Variants in PRSS12 observed in about 807,000 individuals in gnomAD.
PRSS12 encodes the protein neurotrypsin.
Under a neutral mutation model 104.4 loss-of-function variants are expected in PRSS12, and 85 were observed. The observed-to-expected ratio is 0.81, with a 90% confidence interval of 0.68 to 0.98. PRSS12 has a LOEUF of 0.98. Ranked by LOEUF, PRSS12 falls within the 50% of genes least tolerant of loss-of-function variation. The pLI is 0.00. For synonymous variants in PRSS12, 454 were observed against 425.2 expected, an observed-to-expected ratio of 1.07 and a Z score of -0.83; for missense variants, 1,141 against 1,139.2, an observed-to-expected ratio of 1.00 and a Z score of -0.02.
intron 9 of PRSS12, 70 bp downstream of exon 9, chr4:118,298,663 G>T: frequency 1.4e-6 from 2 of 1,384,834 alleles, no homozygotes; most frequent in Non-Finnish European, 1.0e-6. Context: ...TGTTATCAAA[G>T]TACTGCTTAT....
intron 1 of PRSS12, among the ~76,000 whole-genome samples, chr4:118,346,395 A>C (rs1724354991): frequency 6.6e-6 from 1 of 151,620 alleles, no homozygotes; most frequent in African/African-American, 2.4e-5. Flanking sequence ...CACAGTCATA[A>C]TGTATTATAT....
At chr4:118,313,448 G>C (rs1291812875) in intron 6 of PRSS12, 51 bp from the exon 7 acceptor site, 1 of 1,578,664 alleles carries the variant, frequency 6.3e-7, no homozygotes, top group African/African-American at 1.3e-5. Context: ...TCTTGGTTCA[G>C]GGAACCACAA....
intron 8 of PRSS12, among the ~76,000 whole-genome samples, chr4:118,299,837 TA>T (rs1743363459): frequency 7.2e-6 from 1 of 138,408 alleles, no homozygotes; most frequent in Admixed American, 7.1e-5. Context: ...TAAAATAAAA[TA>T]AAATAAATTA....
chr4:118,309,697 G>C (rs565494390), intron 7 of PRSS12, among the ~76,000 whole-genome samples: 1 of 152,290 alleles, frequency 6.6e-6, no homozygotes, highest in Non-Finnish European at 1.5e-5. Flanking sequence ...AAGATTTGCT[G>C]TTAAGGATTT....
intron 4 of PRSS12, among the ~76,000 whole-genome samples, chr4:118,329,082 G>A (rs537211466): frequency 1.3e-4 from 20 of 152,160 alleles, no homozygotes; most frequent in Admixed American, 9.8e-4. Flanking sequence ...GTGAGCCACC[G>A]TGCCCAGCCT....
At chr4:118,300,408 AT>A (rs1317368166) in intron 8 of PRSS12, among the ~76,000 whole-genome samples, 3 of 152,222 alleles carry the variant, frequency 2.0e-5, no homozygotes, top group African/African-American at 7.2e-5. Context: ...TTAATAACAC[AT>A]TTTAAAGTAT....
chr4:118,321,707 G>C (rs754240828), intron 4 of PRSS12, among the ~76,000 whole-genome samples: 13 of 152,152 alleles, frequency 8.5e-5, no homozygotes, highest in Non-Finnish European at 1.8e-4. Context: ...TTGGTATTTA[G>C]TTTAAACAAA....
At chr4:118,324,339 A>G (rs1347339638) in intron 4 of PRSS12, among the ~76,000 whole-genome samples, 1 of 152,052 alleles carries the variant, frequency 6.6e-6, no homozygotes, top group Non-Finnish European at 1.5e-5. Flanking sequence ...TACCTATCAC[A>G]TTTTTGGAGA....
chr4:118,283,018 C>T lies in PRSS12; in HGVS notation c.2133G>A (p.Gln711=). 1 of 1,614,186 alleles carries T rather than the reference C, an allele frequency of 6.2e-7. No homozygotes were observed. The highest frequency in any genetic ancestry group is 8.5e-7 in the Non-Finnish European group (1 of 1,180,040). Residue 711 remains glutamine, a synonymous_variant, in exon 12 of 13, where the codon CAG becomes CAA. Transcript: ENST00000296498. ...GTCGATACTCCCGATGAATCACAAT[C>T]TGTTGAACTCCAATTTCTTCCTCAA... The part of the protein sequence containing the change: ...EEFEEEIGVQ[Q]IVIHREYRPD...
intron 3 of PRSS12, among the ~76,000 whole-genome samples, chr4:118,334,998 G>A (rs1724024793): frequency 6.6e-6 from 1 of 152,064 alleles, no homozygotes; most frequent in South Asian, 2.1e-4. Flanking sequence ...CCTCATTCAA[G>A]CCAACAATCC....
At chr4:118,342,459 C>T (rs1724239829) in intron 1 of PRSS12, among the ~76,000 whole-genome samples, 2 of 152,172 alleles carry the variant, frequency 1.3e-5, no homozygotes, top group Admixed American at 6.5e-5. Flanking sequence ...CAGCGTTGCA[C>T]TGTCTTAAAG....
intron 8 of PRSS12, among the ~76,000 whole-genome samples, chr4:118,307,872 T>A (rs1276771576): frequency 1.3e-5 from 2 of 151,260 alleles, no homozygotes; most frequent in Non-Finnish European, 2.9e-5. Context: ...AACAGTGAAG[T>A]CATCAGCAAA....
rs200173549 is a variant in PRSS12, at chr4:118,352,754, C to T, written c.-34G>A. 27 of 1,610,692 alleles carry T rather than the reference C, an allele frequency of 1.7e-5. No individual in the cohort carries two copies. The Admixed American group carries it at 2.5e-4, about 15-fold the overall frequency. On this transcript the variant is annotated 5_prime_UTR_variant, in exon 1 of 13. Coordinates refer to ENST00000296498, the MANE Select transcript of PRSS12 (RefSeq NM_003619.4). ...CGCTGCGGGGTCTGGTCCATGCTCC[C>T]CAGCTTCTCGGGCTTGGAGCGGAGA... is the stretch of plus-strand genomic sequence containing the variant.
intron 3 of PRSS12, 105 bp downstream of exon 3, chr4:118,335,364 GTAAT>G: frequency 7.9e-7 from 1 of 1,269,358 alleles, no homozygotes; most frequent in Non-Finnish European, 1.1e-6. Flanking sequence ...ACTTATTTCT[GTAAT>G]TAAAGTCTTT....
At chr4:118,290,275 G>A (rs1167006926) in intron 11 of PRSS12, among the ~76,000 whole-genome samples, 1 of 152,120 alleles carries the variant, frequency 6.6e-6, no homozygotes, top group Admixed American at 6.5e-5. Context: ...AAGTTAAAGT[G>A]TTTAACCTCA....
At chr4:118,298,981 C>A in intron 8 of PRSS12, 43 bp from the exon 9 acceptor site, 1 of 1,589,168 alleles carries the variant, frequency 6.3e-7, no homozygotes, top group South Asian at 1.1e-5. Flanking sequence ...ATCAGTCAGT[C>A]ATATATCTGA....
rs201606063 is a variant in PRSS12 at position 118,330,507 on chromosome 4, C to CA, written c.971+1208dup. 6.3e-3 allele frequency among the ~76,000 whole-genome samples: 942 copies of CA among 148,980 alleles called. 8 individuals carry two copies. The highest frequency in any genetic ancestry group is 0.021 in the African/African-American group (854 of 40,618). On this transcript the variant is annotated intron_variant, in intron 4 of 12. Transcript: ENST00000296498. ...GCATTATGGAAAAACCAAACCAAAC[C>CA]AAAAAAAAACAGCAACAACAAAAAA...
chr4:118,313,189 G>A lies in PRSS12; in HGVS notation c.1489+12C>T, dbSNP rs1743799007. The stretch of plus-strand genomic sequence containing the variant: ...GAATGATGGAAACTTGAGAGCTGCA[G>A]CCAGTCCTCACCCAGAGAGAGCCTG... On this transcript the variant is annotated intron_variant, in intron 7 of 12. Transcript: ENST00000296498. 1.2e-6 allele frequency: 2 copies of A among 1,612,162 alleles called. No homozygotes were observed. The highest frequency in any genetic ancestry group is 1.7e-6 in the Non-Finnish European group (2 of 1,179,714).
intron 1 of PRSS12, among the ~76,000 whole-genome samples, chr4:118,344,081 T>C (rs2126045069): frequency 6.6e-6 from 1 of 152,320 alleles, no homozygotes; most frequent in South Asian, 2.1e-4. Context: ...AACATCCAGC[T>C]AGTGTTCAGA....
Sources: gnomAD v4.1 joint callset for allele counts (sites outside exome capture counted in the v4.1 genomes callset) on GRCh38, gnomAD v4.1.1 for gene constraint, MANE v1.5 for transcripts, NCBI Gene and HGNC (gene_info 2026-07-23, HGNC 2026-07-21) for gene names.